CUX1: variants seen among roughly 807,000 people sequenced by gnomAD.
The protein encoded by CUX1 is protein CASP.
Under a neutral mutation model 158.8 loss-of-function variants are expected in CUX1, and 31 were observed. That is an observed-to-expected ratio of 0.20 (90% confidence interval 0.15 to 0.26). CUX1 has a LOEUF of 0.26. CUX1 is among the 10% of genes least tolerant of loss of function. CUX1 has a pLI of 1.00. For synonymous variants in CUX1, 879 were observed against 862.1 expected (o/e 1.02, Z -0.34); for missense variants, 1,589 against 2,014.6 (o/e 0.79, Z 4.04).
At chr7:102,051,126 CCA>C (rs1227704262) in intron 3 of CUX1, among the ~76,000 whole-genome samples, 2 of 152,268 alleles carry the variant, frequency 1.3e-5, no homozygotes, top group Admixed American at 1.3e-4. Context: ...TCACGTATCC[CCA>C]GTCACCTCCT....
At chr7:101,966,986 A>T (rs975146354) in intron 2 of CUX1, among the ~76,000 whole-genome samples, 2 of 151,940 alleles carry the variant, frequency 1.3e-5, no homozygotes, top group African/African-American at 4.8e-5. Flanking sequence ...TTGCAGAGGG[A>T]TCATTTGGAA....
chr7:102,069,029 G>A (rs1055189848), intron 3 of CUX1, among the ~76,000 whole-genome samples: 5 of 152,220 alleles, frequency 3.3e-5, no homozygotes, highest in South Asian at 2.1e-4. Context: ...TGGAATCCCC[G>A]GGACCGTCCT....
chr7:101,968,611 C>T (rs1347118926), intron 2 of CUX1, among the ~76,000 whole-genome samples: 1 of 151,878 alleles, frequency 6.6e-6, no homozygotes, highest in East Asian at 1.9e-4. Context: ...TTAGTAGAGA[C>T]AGAATTTTCC....
At chr7:101,942,333 T>G (rs1266755080) in intron 2 of CUX1, among the ~76,000 whole-genome samples, 1 of 152,258 alleles carries the variant, frequency 6.6e-6, no homozygotes, top group Non-Finnish European at 1.5e-5. Context: ...AAAGTCTTTT[T>G]TGAATTCTCA....
At chr7:102,094,563 G>A (rs1483998420) in intron 4 of CUX1, among the ~76,000 whole-genome samples, 2 of 152,212 alleles carry the variant, frequency 1.3e-5, no homozygotes, top group Non-Finnish European at 2.9e-5. Context: ...AGCAGATACA[G>A]TGGGGTCCTG....
chr7:102,110,491 C>T (rs1433046422), intron 6 of CUX1, among the ~76,000 whole-genome samples: 4 of 152,126 alleles, frequency 2.6e-5, no homozygotes, highest in African/African-American at 7.2e-5. Context: ...TAGTGTGTTA[C>T]GCATTCGTTC....
At position 101,848,005 on chromosome 7, in the gene CUX1, C is replaced by G. The variant is rs1433337724; in HGVS notation, c.30+30336C>G. On this transcript the variant is annotated intron_variant, in intron 1 of 23. Transcript: ENST00000292535. ...CCCGGGAGCCAGAGGTTGCAGTGAGCCAAGATCACGCCATTGCACTCCAGC... is the reference window on the plus strand; with the variant it reads ...CCCGGGAGCCAGAGGTTGCAGTGAGGCAAGATCACGCCATTGCACTCCAGC... 2.2e-5 allele frequency among the ~76,000 whole-genome samples: 3 copies of G among 133,752 alleles called. No individual in the cohort carries two copies. The South Asian group carries it at 6.8e-4, about 30-fold the overall frequency. 87.7% of individuals were successfully genotyped at this position (133,752 alleles called of 152,430 possible). A position where few individuals can be genotyped will look rare whatever the true frequency, so the allele number is the denominator to read the frequency against.
At chr7:101,907,474 G>C (rs778775081) in intron 1 of CUX1, among the ~76,000 whole-genome samples, 1 of 151,968 alleles carries the variant, frequency 6.6e-6, no homozygotes, top group Non-Finnish European at 1.5e-5. Context: ...TCAGCCTCCC[G>C]AATAGCTGGG....
chr7:102,118,117 C>T (rs1329237864), intron 8 of CUX1, among the ~76,000 whole-genome samples: 1 of 152,242 alleles, frequency 6.6e-6, no homozygotes, highest in Non-Finnish European at 1.5e-5. Flanking sequence ...CAAGTCCAAC[C>T]TACATGTATT....
At chr7:102,191,730 TCTCTTCTTCTTTCTTCCTCCTC>T (rs1350985810) in intron 12 of CUX1, among the ~76,000 whole-genome samples, 3 of 151,962 alleles carry the variant, frequency 2.0e-5, no homozygotes, top group East Asian at 1.9e-4. Context: ...TCTTTCTTCC[TCTCTTCTTCTTTCTTCCTCCTC>T]CTCTTCTTCT....
intron 3 of CUX1, among the ~76,000 whole-genome samples, chr7:102,066,026 T>A (rs1218191659): frequency 1.3e-5 from 2 of 152,086 alleles, no homozygotes; most frequent in African/African-American, 4.8e-5. Context: ...CCTGACCTTG[T>A]GATCCACCTG....
intron 10 of CUX1, among the ~76,000 whole-genome samples, chr7:102,172,386 G>A (rs1304576693): frequency 6.7e-5 from 10 of 149,860 alleles, no homozygotes; most frequent in East Asian, 4.0e-4. Context: ...GATCTCACTC[G>A]GTCACCCAGG....
At chr7:101,855,206 C>T (rs999681303) in intron 1 of CUX1, among the ~76,000 whole-genome samples, 1 of 152,252 alleles carries the variant, frequency 6.6e-6, no homozygotes, top group East Asian at 1.9e-4. Context: ...GAGCCTGGCC[C>T]AGGCCCTGCC....
intron 2 of CUX1, among the ~76,000 whole-genome samples, chr7:102,009,153 G>A (rs1817708919): frequency 6.6e-6 from 1 of 152,244 alleles, no homozygotes; most frequent in Non-Finnish European, 1.5e-5. Flanking sequence ...AGTTTGGATT[G>A]TAGCCAGATG....
At chr7:101,857,710 TGTGCTATA>T (rs1340594014) in intron 1 of CUX1, among the ~76,000 whole-genome samples, 2 of 152,234 alleles carry the variant, frequency 1.3e-5, no homozygotes, top group Non-Finnish European at 2.9e-5. Flanking sequence ...ATAACTTAGC[TGTGCTATA>T]GCTTTGCATA....
rs1799925242 is a variant in CUX1 at position 102,239,395 on chromosome 7, G to GCCA, written c.3699_3701dup (p.Ser1233_Gln1234insHis). 6.2e-7 allele frequency: 1 copy of GCCA among 1,613,296 alleles called. No homozygotes were observed. ...CCGCCCTCTGTCGGCACCGAGTACA[G>GCCA]CCAGGGCGCCAGCCCCCAGCCCCAG... is the stretch of plus-strand genomic sequence containing the variant. On this transcript the variant is annotated inframe_insertion, in exon 23 of 24. Transcript: ENST00000292535.
intron 1 of CUX1, among the ~76,000 whole-genome samples, chr7:101,831,571 C>T (rs529931586): frequency 1.1e-4 from 17 of 151,948 alleles, no homozygotes; most frequent in Non-Finnish European, 1.9e-4. Context: ...GGATTACAGC[C>T]GTGAGCCACC....
At chr7:102,057,718 T>C (rs1406669844) in intron 3 of CUX1, among the ~76,000 whole-genome samples, 1 of 152,206 alleles carries the variant, frequency 6.6e-6, no homozygotes, top group African/African-American at 2.4e-5. Flanking sequence ...TTGCTTCTTA[T>C]GATGAGCAAA....
At chr7:102,175,839 G>A (rs1278855726) in intron 10 of CUX1, among the ~76,000 whole-genome samples, 12 of 152,204 alleles carry the variant, frequency 7.9e-5, no homozygotes, top group African/African-American at 2.9e-4. Context: ...CCAGTCTGTG[G>A]CAGACTGATC....
Sources: allele counts gnomAD v4.1 joint callset (sites outside exome capture counted in the v4.1 genomes callset), GRCh38; gene constraint gnomAD v4.1.1; transcripts MANE v1.5; gene names NCBI Gene and HGNC (gene_info 2026-07-23, HGNC 2026-07-21).